Variants in MINAR1 observed in about 807,000 individuals in gnomAD.
MINAR1 encodes the protein membrane integral NOTCH2 associated receptor 1.
Under a neutral mutation model 65.1 loss-of-function variants are expected in MINAR1, and 40 were observed. The ratio of observed to expected loss-of-function variants is 0.61; its 90% confidence interval spans 0.48 to 0.80. MINAR1 has a LOEUF of 0.80. Ranked by LOEUF, MINAR1 falls within the 30% of genes least tolerant of loss-of-function variation. MINAR1 has a pLI of 0.00. For synonymous variants in MINAR1, 482 were observed against 449.1 expected, an observed-to-expected ratio of 1.07 and a Z score of -0.93; for missense variants, 1,128 against 1,148.0, an observed-to-expected ratio of 0.98 and a Z score of 0.25.
At chr15:79,433,168 C>T (rs80327685) in intron 1 of MINAR1, among the ~76,000 whole-genome samples, 130 of 152,314 alleles carry the variant, frequency 8.5e-4, no homozygotes, top group African/African-American at 3.1e-3. Flanking sequence ...ATGCAGCATG[C>T]CCGACCTGCT....
rs1202807036 is a variant in MINAR1, at chr15:79,469,732, G to A, written c.*1348G>A. Reference sequence around the variant, plus strand: ...AATGGAACAGAAAGAATCCTTATCAGCATCTGATTCCAATGTCTTGTTACA... The same window carrying A: ...AATGGAACAGAAAGAATCCTTATCAACATCTGATTCCAATGTCTTGTTACA... On this transcript the variant is annotated 3_prime_UTR_variant, in exon 4 of 4. Transcript: ENST00000305428. 1.3e-5 allele frequency: 2 copies of A among 152,576 alleles called. No homozygotes were observed. Among genetic ancestry groups the A allele is most frequent in the Non-Finnish European group, 2.9e-5 (2 of 68,032 alleles). 9.5% of individuals were successfully genotyped at this position (152,576 alleles called of 1,614,324 possible).
intron 3 of MINAR1, among the ~76,000 whole-genome samples, chr15:79,467,835 G>A (rs17265891): frequency 0.038 from 5,860 of 152,258 alleles, 135 homozygotes; most frequent in Middle Eastern, 0.058. Context: ...GACTTTCCTT[G>A]TTTCCTTTGC....
intron 1 of MINAR1, among the ~76,000 whole-genome samples, chr15:79,444,764 C>T (rs1475135523): frequency 5.8e-4 from 82 of 140,312 alleles, no homozygotes; most frequent in African/African-American, 2.0e-3. Context: ...ATTTTATTAC[C>T]TTATTGTAAA....
chr15:79,465,181 G>A (rs1345878898), intron 3 of MINAR1, among the ~76,000 whole-genome samples: 1 of 152,224 alleles, frequency 6.6e-6, no homozygotes. Context: ...TGAGGAAGTA[G>A]AGAGTTCAAT....
chr15:79,428,637 C>G (rs77915065), upstream of MINAR1, among the ~76,000 whole-genome samples: 3,833 of 152,098 alleles, frequency 0.025, 185 homozygotes, highest in African/African-American at 0.088. Flanking sequence ...TTCCCAAAAA[C>G]TCTATGAAAT....
At chr15:79,461,422 G>A (rs1895636536) in intron 2 of MINAR1, among the ~76,000 whole-genome samples, 1 of 152,246 alleles carries the variant, frequency 6.6e-6, no homozygotes, top group Non-Finnish European at 1.5e-5. Flanking sequence ...AATTATGCCT[G>A]CAGTGGCTAC....
chr15:79,465,983 C>T (rs887280939), intron 3 of MINAR1, among the ~76,000 whole-genome samples: 6 of 152,024 alleles, frequency 3.9e-5, no homozygotes, highest in Non-Finnish European at 8.8e-5. Flanking sequence ...AGTCAGGGTT[C>T]AGCAGCAGTG....
intron 1 of MINAR1, among the ~76,000 whole-genome samples, chr15:79,433,804 G>C (rs1039499638): frequency 1.1e-4 from 16 of 152,192 alleles, no homozygotes; most frequent in African/African-American, 3.4e-4. Context: ...GTGGAAGCTA[G>C]CTCACTGCTG....
In MINAR1 at chr15:79,471,758, C is replaced by A. The variant is rs184688976; in HGVS notation, c.*3374C>A. The A allele has an allele frequency of 9.7e-4, 146 of 151,152 alleles. 1 individual carries two copies. Among genetic ancestry groups the A allele is most frequent in the African/African-American group, 3.4e-3 (138 of 40,912 alleles). The allele number at this position is 151,152 out of a possible 1,614,324, so 9.4% of individuals were successfully genotyped here. ...AAAAAAACAGAAGAAGCTCTGCCAA[C>A]AATAAAAGATTTTGTTAAGTGGTAT... On this transcript the variant is annotated 3_prime_UTR_variant, in exon 4 of 4. Coordinates refer to ENST00000305428, the MANE Select transcript of MINAR1 (RefSeq NM_015206.3).
the MINAR1 span, chr15:79,425,576 A>G: frequency 2.0e-5 from 3 of 152,016 alleles, no homozygotes; most frequent in East Asian, 3.9e-4. Flanking sequence ...TGGCAGCTCA[A>G]CCAACAAGCC....
rs1896106719 is a variant in MINAR1 at position 79,472,077 on chromosome 15, C to G, written c.*3693C>G. 1 of 152,506 alleles carries G rather than the reference C, an allele frequency of 6.6e-6. No individual in the cohort carries two copies. The highest frequency in any genetic ancestry group is 2.4e-5 in the African/African-American group (1 of 41,422). 9.4% of individuals were successfully genotyped at this position (152,506 alleles called of 1,614,324 possible). A position where few individuals can be genotyped will look rare whatever the true frequency, so the allele number is the denominator to read the frequency against. Reference sequence around the variant, plus strand: ...GCAAGATCCTGAAGGAATGGGTATTCTTGAAGGCAGGGACTGTCTTTTCTA... The same window carrying G: ...GCAAGATCCTGAAGGAATGGGTATTGTTGAAGGCAGGGACTGTCTTTTCTA... On this transcript the variant is annotated 3_prime_UTR_variant, in exon 4 of 4. Transcript: ENST00000305428.
Position 79,457,256 on chromosome 15 carries a change from G to A in MINAR1, c.1109G>A (p.Ser370Asn), listed in dbSNP as rs1248672291. 10 of 1,614,098 alleles carry A rather than the reference G, an allele frequency of 6.2e-6. No individual in the cohort carries two copies. Among genetic ancestry groups the A allele is most frequent in the Non-Finnish European group, 8.5e-6 (10 of 1,180,050 alleles). Residue 370 changes from serine to asparagine, a missense_variant, in exon 2 of 4, where the codon AGC (serine) becomes AAC (asparagine). Coordinates refer to ENST00000305428, the MANE Select transcript of MINAR1 (RefSeq NM_015206.3). ...KQTPWPAKSW[S>N]LNTEEVPDFE... is the part of the protein sequence containing the mutation. Reference sequence around the variant, plus strand: ...ACTCCCTGGCCAGCCAAAAGCTGGAGCCTAAACACAGAGGAAGTTCCTGAC... The same window carrying A: ...ACTCCCTGGCCAGCCAAAAGCTGGAACCTAAACACAGAGGAAGTTCCTGAC...
intron 1 of MINAR1, among the ~76,000 whole-genome samples, chr15:79,440,560 C>T (rs559269444): frequency 4.6e-5 from 7 of 152,194 alleles, no homozygotes; most frequent in Middle Eastern, 3.4e-3. Context: ...GAGCAAAGGC[C>T]CTGGGCTGGA....
At chr15:79,428,693 G>A (rs1894374508), upstream of MINAR1, among the ~76,000 whole-genome samples, 5 of 152,266 alleles carry the variant, frequency 3.3e-5, no homozygotes, top group South Asian at 8.3e-4. Flanking sequence ...CTCAAGAGAG[G>A]TTAAGAAACT....
At chr15:79,428,091 C>T (rs2141269488), upstream of MINAR1, among the ~76,000 whole-genome samples, 1 of 152,334 alleles carries the variant, frequency 6.6e-6, no homozygotes, top group African/African-American at 2.4e-5. Flanking sequence ...TGCCCAATTC[C>T]TTGTTCACTG....
Position 79,458,278 on chromosome 15 carries a change from T to A in MINAR1, c.2131T>A (p.Ser711Thr), listed in dbSNP as rs763966947. The A allele has an allele frequency of 6.2e-7, 1 of 1,613,966 alleles. No individual in the cohort carries two copies. The highest frequency in any genetic ancestry group is 8.5e-7 in the Non-Finnish European group (1 of 1,180,002). The change falls in exon 2 of 4, where the codon TCC becomes ACC. Residue 711 changes from serine (S) to threonine (T), a missense_variant. Transcript: ENST00000305428. ...KSLFTRPSSR[S>T]LTEENSATES... ...CCTCTTCACCAGGCCATCCTCTAGG[T>A]CCCTAACAGAGGAGAACAGTGCCAC... is the stretch of plus-strand genomic sequence containing the variant.
chr15:79,412,752 T>C, the MINAR1 span: 1 of 152,516 alleles, frequency 6.6e-6, no homozygotes, highest in Admixed American at 6.5e-5. Flanking sequence ...CACTGGCACA[T>C]GTGAATGAGG....
chr15:79,468,398 C>T lies in MINAR1; in HGVS notation c.*14C>T, dbSNP rs769733338. 8.7e-6 allele frequency: 14 copies of T among 1,611,016 alleles called. No individual in the cohort carries two copies. The highest frequency in any genetic ancestry group is 1.7e-5 in the Admixed American group (1 of 59,832). ...ATGAAATCATGAGCTAAGAATGCAA[C>T]CTTACGTACAGCTTATGACTACCAA... On this transcript the variant is annotated 3_prime_UTR_variant, in exon 4 of 4. Transcript: ENST00000305428.
chr15:79,428,760 G>T (rs1489583260), upstream of MINAR1, among the ~76,000 whole-genome samples: 1 of 152,100 alleles, frequency 6.6e-6, no homozygotes, highest in East Asian at 1.9e-4. Flanking sequence ...ATATAATGAT[G>T]CTATATCCAG....
Sources: allele counts gnomAD v4.1 joint callset (sites outside exome capture counted in the v4.1 genomes callset), GRCh38; gene constraint gnomAD v4.1.1; transcripts MANE v1.5; gene names NCBI Gene and HGNC (gene_info 2026-07-23, HGNC 2026-07-21).